The following MZT2A variants were observed in gnomAD, a reference collection of about 807,000 sequenced individuals.
MZT2A encodes the protein mitotic spindle organizing protein 2A, also known as mitotic-spindle organizing protein 2A.
MZT2A carries 8 observed loss-of-function variants against 12.4 expected under a neutral mutation model. The observed-to-expected ratio is 0.64, with a 90% confidence interval of 0.38 to 1.16. The LOEUF is 1.16. Among genes scored for constraint, MZT2A ranks in the 50% most tolerant of loss-of-function variants. MZT2A has a pLI of 0.01. For missense variants in MZT2A, 181 were observed against 223.6 expected, an observed-to-expected ratio of 0.81 and a Z score of 1.22; for synonymous variants, 88 against 107.5, an observed-to-expected ratio of 0.82 and a Z score of 1.12.
chr2:131,484,347 C>G, intron 2 of MZT2A, 129 bp from the exon 3 acceptor site: 2 of 1,396,226 alleles, frequency 1.4e-6, no homozygotes, highest in East Asian at 4.9e-5. Context: ...GCTAGAGGCC[C>G]TGCATCAGCC....
chr2:131,487,125 C>T (rs905967025), intron 2 of MZT2A, among the ~76,000 whole-genome samples: 1 of 152,148 alleles, frequency 6.6e-6, no homozygotes, highest in African/African-American at 2.4e-5. Flanking sequence ...TGCCCCTACA[C>T]CTGGTCCCTG....
At chr2:131,492,989 T>A, upstream of MZT2A, 1 of 1,516,698 alleles carries the variant, frequency 6.6e-7, no homozygotes, top group Non-Finnish European at 8.9e-7. Flanking sequence ...TTTGCGCACG[T>A]ACCTTTTGAG....
intron 2 of MZT2A, chr2:131,491,099 C>A: frequency 1.3e-6 from 1 of 766,368 alleles, no homozygotes; most frequent in Non-Finnish European, 2.2e-6. Flanking sequence ...CAGCTCTGGG[C>A]CTCCTTCCAT....
At chr2:131,492,920 C>A (rs1430370900), upstream of MZT2A, 39 of 1,513,834 alleles carry the variant, frequency 2.6e-5, no homozygotes, top group African/African-American at 7.1e-5. Context: ...ACCACTCCCT[C>A]CCCCCGCACT....
At chr2:131,479,580 A>G (rs397843421), downstream of MZT2A, 1,169 of 1,516,336 alleles carry the variant, frequency 7.7e-4, 5 homozygotes, top group African/African-American at 6.8e-3. Context: ...TGGCTCACAC[A>G]TGTAATCCCA....
intron 2 of MZT2A, among the ~76,000 whole-genome samples, chr2:131,484,423 G>A (rs745864912): frequency 6.6e-6 from 1 of 152,234 alleles, no homozygotes; most frequent in Non-Finnish European, 1.5e-5. Flanking sequence ...CAGTGTGCAG[G>A]GGACCCTTTA....
chr2:131,490,781 T>A, intron 2 of MZT2A: 1 of 1,548,784 alleles, frequency 6.5e-7, no homozygotes, highest in Non-Finnish European at 8.7e-7. Flanking sequence ...GAGAGGTGAG[T>A]GTGTGGCAGC....
chr2:131,487,028 C>T (rs954362831), intron 2 of MZT2A, among the ~76,000 whole-genome samples: 12 of 152,074 alleles, frequency 7.9e-5, no homozygotes, highest in Non-Finnish European at 1.6e-4. Context: ...CCTGCTCCCT[C>T]GGGAGGGGCT....
At position 131,474,412 on chromosome 2, in the gene MZT2A, T is replaced by TC. The variant is rs779714775; in HGVS notation, c.279-2231_279-2230insG. Among the ~76,000 whole-genome samples, 6 of 99,150 alleles carry TC rather than the reference T, an allele frequency of 6.1e-5. No homozygotes were observed. The East Asian group carries it at 1.4e-3, about 22-fold the overall frequency. 65.0% of individuals were successfully genotyped at this position (99,150 alleles called of 152,430 possible). On this transcript the variant is annotated intron_variant and NMD_transcript_variant, in intron 2 of 4. Transcript: ENST00000427024. ...GCGCCCAGTCTTCTTCTTCTTTTTT[T>TC]TTTTTTTTTTTTTTTGAGATGGAGT...
upstream of MZT2A, chr2:131,492,801 A>C: frequency 5.7e-6 from 8 of 1,399,048 alleles, no homozygotes; most frequent in African/African-American, 1.4e-5. Context: ...GGGGGGCACT[A>C]ATCAACAACC....
chr2:131,484,230 C>T lies in MZT2A; in HGVS notation c.320-12G>A. The T allele has an allele frequency of 1.2e-6, 2 of 1,612,682 alleles. No homozygotes were observed. The highest frequency in any genetic ancestry group is 1.1e-5 in the South Asian group (1 of 91,042). On this transcript the variant is annotated splice_polypyrimidine_tract_variant and intron_variant, in intron 2 of 2. Transcript: ENST00000309451. Reference sequence around the variant, plus strand: ...GCCTTTGTCTCTCCCTAAGGAGACACAAAGCACAATGATTAGGAATGGACG... The same window carrying T: ...GCCTTTGTCTCTCCCTAAGGAGACATAAAGCACAATGATTAGGAATGGACG...
intron 2 of MZT2A, among the ~76,000 whole-genome samples, chr2:131,485,378 C>T (rs1394498430): frequency 6.6e-6 from 1 of 152,174 alleles, no homozygotes; most frequent in Non-Finnish European, 1.5e-5. Context: ...AAAGATCTGA[C>T]GTGTTGCTAA....
At chr2:131,470,675 AT>A (rs1182252348) in intron 3 of MZT2A, among the ~76,000 whole-genome samples, 3 of 144,010 alleles carry the variant, frequency 2.1e-5, no homozygotes, top group Admixed American at 2.0e-4. Flanking sequence ...GCAAAGGTGA[AT>A]AAAGCATTTG....
upstream of MZT2A, chr2:131,492,625 G>C (rs1323250131): frequency 1.6e-6 from 2 of 1,216,626 alleles, no homozygotes; most frequent in African/African-American, 1.6e-5. Flanking sequence ...CTGCTTGGCG[G>C]TCAGGGCGTC....
At chr2:131,476,531 C>G (rs1678677360) in intron 2 of MZT2A, among the ~76,000 whole-genome samples, 1 of 152,212 alleles carries the variant, frequency 6.6e-6, no homozygotes, top group Non-Finnish European at 1.5e-5. Flanking sequence ...CTACTCGAAA[C>G]AACTGAGGAG....
chr2:131,470,631 A>G, intron 3 of MZT2A, among the ~76,000 whole-genome samples: 1 of 152,138 alleles, frequency 6.6e-6, no homozygotes, highest in Non-Finnish European at 1.5e-5. Context: ...TGGCTCTGTA[A>G]TGCCAACCTC....
At chr2:131,488,775 T>C (rs1402013768) in intron 2 of MZT2A, among the ~76,000 whole-genome samples, 25 of 152,128 alleles carry the variant, frequency 1.6e-4, no homozygotes, top group Non-Finnish European at 3.5e-4. Flanking sequence ...GGTGCCCTCA[T>C]GTCGTGGCTT....
At chr2:131,477,493 TGAG>T (rs1275477999) in intron 2 of MZT2A, among the ~76,000 whole-genome samples, 22 of 151,886 alleles carry the variant, frequency 1.4e-4, no homozygotes, top group Non-Finnish European at 2.9e-5. Context: ...AGTGTGGCCT[TGAG>T]AGGGATTCAG....
At chr2:131,471,494 T>C (rs1214454102) in intron 3 of MZT2A, among the ~76,000 whole-genome samples, 1 of 148,350 alleles carries the variant, frequency 6.7e-6, no homozygotes, top group Non-Finnish European at 1.5e-5. Context: ...AATTGTGTTA[T>C]TACTATACTT....
Sources: allele counts gnomAD v4.1 joint callset (sites outside exome capture counted in the v4.1 genomes callset), GRCh38; gene constraint gnomAD v4.1.1; transcripts MANE v1.5; gene names NCBI Gene and HGNC (gene_info 2026-07-23, HGNC 2026-07-21).